The following CDH12 variants were observed in gnomAD, a reference collection of about 807,000 sequenced individuals.
CDH12 encodes the protein cadherin-12.
In CDH12, 41 loss-of-function variants were observed where a neutral mutation model predicts 74.1. The ratio of observed to expected loss-of-function variants is 0.55; its 90% CI spans 0.43 to 0.72. The LOEUF (loss-of-function observed/expected upper bound fraction) is 0.72. Ranked by LOEUF, CDH12 falls within the 30% of genes least tolerant of loss-of-function variation. CDH12 has a pLI of 0.00. For synonymous variants in CDH12, 399 were observed against 355.0 expected (o/e 1.12, Z -1.39); for missense variants, 945 against 977.2 (o/e 0.97, Z 0.44).
chr5:22,347,111 T>G (rs1021943040), intron 3 of CDH12, among the ~76,000 whole-genome samples: 3 of 152,200 alleles, frequency 2.0e-5, no homozygotes, highest in Non-Finnish European at 2.9e-5. Context: ...GCATCAGTAT[T>G]TATTGCTGTG....
intron 4 of CDH12, among the ~76,000 whole-genome samples, chr5:22,124,132 G>GATTATT (rs1020990263): frequency 6.6e-6 from 1 of 150,690 alleles, no homozygotes; most frequent in African/African-American, 2.4e-5. Flanking sequence ...ACTCCCTGCT[G>GATTATT]ATTATTATTA....
intron 3 of CDH12, among the ~76,000 whole-genome samples, chr5:22,337,545 G>A (rs960110091): frequency 2.6e-5 from 4 of 152,054 alleles, no homozygotes; most frequent in Non-Finnish European, 4.4e-5. Context: ...AGATCTTATG[G>A]TTTCAAAAAT....
intron 4 of CDH12, among the ~76,000 whole-genome samples, chr5:22,189,415 T>C (rs1380899475): frequency 6.6e-6 from 1 of 152,140 alleles, no homozygotes; most frequent in African/African-American, 2.4e-5. Context: ...AGAGAATCCT[T>C]CCTATAGAAT....
intron 14 of CDH12, among the ~76,000 whole-genome samples, chr5:21,753,390 A>T (rs1474018971): frequency 6.6e-6 from 1 of 152,308 alleles, no homozygotes; most frequent in East Asian, 1.9e-4. Context: ...ATCTCAGAAC[A>T]AAGGACATGA....
At chr5:22,144,999 A>G (rs2150302696) in intron 4 of CDH12, among the ~76,000 whole-genome samples, 1 of 152,200 alleles carries the variant, frequency 6.6e-6, no homozygotes, top group South Asian at 2.1e-4. Flanking sequence ...AAAGGGGACT[A>G]CAATCCTAGA....
intron 1 of CDH12, among the ~76,000 whole-genome samples, chr5:22,521,552 G>A (rs991860866): frequency 1.3e-5 from 2 of 152,100 alleles, no homozygotes; most frequent in African/African-American, 4.8e-5. Context: ...GATTCCTCAT[G>A]AATAAATACA....
At chr5:22,818,809 C>T (rs1749520758) in intron 1 of CDH12, among the ~76,000 whole-genome samples, 1 of 152,044 alleles carries the variant, frequency 6.6e-6, no homozygotes, top group Admixed American at 6.6e-5. Flanking sequence ...AAAAGGAAAT[C>T]CATTGGTTGC....
chr5:21,921,795 T>C (rs1189481378), intron 6 of CDH12, among the ~76,000 whole-genome samples: 1 of 152,216 alleles, frequency 6.6e-6, no homozygotes, highest in Non-Finnish European at 1.5e-5. Flanking sequence ...CTCAGAAACC[T>C]TGGGGCCATC....
At chr5:22,652,687 G>C (rs1435710858) in intron 1 of CDH12, among the ~76,000 whole-genome samples, 4 of 151,974 alleles carry the variant, frequency 2.6e-5, no homozygotes, top group African/African-American at 9.7e-5. Flanking sequence ...GTACAAATTA[G>C]AAAAAATCAT....
intron 4 of CDH12, among the ~76,000 whole-genome samples, chr5:22,136,443 T>A (rs895392388): frequency 6.6e-6 from 1 of 151,976 alleles, no homozygotes; most frequent in Non-Finnish European, 1.5e-5. Flanking sequence ...CATTCTAACA[T>A]GGGGTAGCGT....
intron 5 of CDH12, among the ~76,000 whole-genome samples, chr5:22,005,058 T>C (rs1277976052): frequency 1.3e-5 from 2 of 152,204 alleles, no homozygotes; most frequent in African/African-American, 4.8e-5. Flanking sequence ...ATTCATTTAT[T>C]GAGACAGAGT....
chr5:22,831,213 TGAG>T (rs988895241), intron 1 of CDH12, among the ~76,000 whole-genome samples: 32 of 152,122 alleles, frequency 2.1e-4, no homozygotes, highest in African/African-American at 7.0e-4. Flanking sequence ...TTTTGGAGGA[TGAG>T]GAGAACTCAA....
At chr5:22,504,212 G>T (rs1414084873) in intron 2 of CDH12, among the ~76,000 whole-genome samples, 1 of 151,682 alleles carries the variant, frequency 6.6e-6, no homozygotes, top group African/African-American at 2.4e-5. Context: ...GATATTAAAT[G>T]GTTCATTCTA....
At chr5:22,221,214 A>G (rs1752004756) in intron 3 of CDH12, among the ~76,000 whole-genome samples, 1 of 151,896 alleles carries the variant, frequency 6.6e-6, no homozygotes, top group Admixed American at 6.6e-5. Context: ...TGCTTATTCA[A>G]AACTTTATTA....
chr5:21,891,696 G>C lies in CDH12; in HGVS notation c.527-36906C>G, dbSNP rs143355024. 2.2e-3 allele frequency among the ~76,000 whole-genome samples: 329 copies of C among 152,014 alleles called. 2 individuals carry two copies. The highest frequency in any genetic ancestry group is 7.7e-3 in the African/African-American group (320 of 41,484). ...TAAGTGTTTGGATGTAGCCAAAATA[G>C]TTGAATTTATCTCTATAGGAGACAA... On this transcript the variant is annotated intron_variant, in intron 6 of 14. Coordinates refer to ENST00000382254, the MANE Select transcript of CDH12 (RefSeq NM_004061.5).
At chr5:22,604,001 G>A (rs1736977315) in intron 1 of CDH12, among the ~76,000 whole-genome samples, 1 of 152,214 alleles carries the variant, frequency 6.6e-6, no homozygotes, top group African/African-American at 2.4e-5. Context: ...GTGGGCGACA[G>A]CCAAGGGAAT....
intron 4 of CDH12, among the ~76,000 whole-genome samples, chr5:22,169,623 C>T (rs1376587009): frequency 6.6e-6 from 1 of 151,902 alleles, no homozygotes; most frequent in Admixed American, 6.6e-5. Context: ...ATAGACATTA[C>T]TTTTCAGGGC....
In CDH12 at chr5:21,980,811, G is replaced by A. The variant is rs1423137226; in HGVS notation, c.232-5426C>T. Among the ~76,000 whole-genome samples the A allele has an allele frequency of 5.9e-5, 9 of 151,916 alleles. No individual in the cohort carries two copies. In the South Asian group the frequency reaches 1.7e-3, roughly 28 times the overall value. ...ACTAATTGTGTTCATAGGTACTATG[G>A]TACACTGTACACTGTTTTGTAACTT... On this transcript the variant is annotated intron_variant, in intron 5 of 14. Transcript: ENST00000382254.
At chr5:22,340,683 A>G (rs1267982413) in intron 3 of CDH12, among the ~76,000 whole-genome samples, 2 of 152,204 alleles carry the variant, frequency 1.3e-5, no homozygotes, top group African/African-American at 4.8e-5. Flanking sequence ...TGTTTTGAGA[A>G]GCTGTTAAAT....
Sources: gnomAD v4.1 joint callset for allele counts (sites outside exome capture counted in the v4.1 genomes callset) on GRCh38, gnomAD v4.1.1 for gene constraint, MANE v1.5 for transcripts, NCBI Gene and HGNC (gene_info 2026-07-23, HGNC 2026-07-21) for gene names.